The following IL3RA variants were observed in gnomAD, a reference collection of about 807,000 sequenced individuals.
The protein encoded by IL3RA is interleukin 3 receptor subunit alpha, also known as interleukin-3 receptor subunit alpha.
In IL3RA, 73 loss-of-function variants were observed where a neutral mutation model predicts 52.3. That is an observed-to-expected ratio of 1.40 (90% CI 1.16 to 1.70). The LOEUF (loss-of-function observed/expected upper bound fraction) is 1.70, where lower values mean the gene tolerates loss of function less well. IL3RA is among the 40% of genes most tolerant of loss of function. The pLI is 0.00. For synonymous variants in IL3RA, 260 were observed against 194.0 expected, an observed-to-expected ratio of 1.34 and a Z score of -2.83; for missense variants, 664 against 504.4, an observed-to-expected ratio of 1.32 and a Z score of -3.03.
intron 8 of IL3RA, among the ~76,000 whole-genome samples, chrX:1,362,324 T>G (rs746951404): frequency 2.0e-5 from 3 of 151,910 alleles, no homozygotes; most frequent in Admixed American, 1.3e-4. Context: ...TATCTCCGTC[T>G]CTCCCTGTCT....
At chrX:1,345,814 A>C (rs1218716441) in intron 3 of IL3RA, among the ~76,000 whole-genome samples, 2 of 152,000 alleles carry the variant, frequency 1.3e-5, no homozygotes, top group African/African-American at 4.8e-5. Flanking sequence ...TTGACGAACA[A>C]GACGTTTCCG....
intron 1 of IL3RA, 73 bp from the exon 2 acceptor site, chrX:1,341,655 G>T (rs770656621): frequency 7.7e-6 from 9 of 1,164,508 alleles, no homozygotes; most frequent in South Asian, 3.9e-5. Flanking sequence ...TCTGGAAGGG[G>T]CAAGCATCCT....
In IL3RA at chrX:1,365,267, C is replaced by T. The variant is rs368538380; in HGVS notation, c.874+15C>T. 161 of 1,373,628 alleles carry T rather than the reference C, an allele frequency of 1.2e-4. No homozygotes were observed. Among genetic ancestry groups the T allele is most frequent in the African/African-American group, 3.1e-4 (18 of 58,874 alleles). 85.1% of individuals were successfully genotyped at this position (1,373,628 alleles called of 1,614,324 possible). A position where few individuals can be genotyped will look rare whatever the true frequency, so the allele number is the denominator to read the frequency against. Reference sequence around the variant, plus strand: ...CCAGCGCTTCGGTGAGTGGGCTGTGCGGGGTGCGCGGGGTGAGCGGGGTGA... The same window carrying T: ...CCAGCGCTTCGGTGAGTGGGCTGTGTGGGGTGCGCGGGGTGAGCGGGGTGA... On this transcript the variant is annotated intron_variant, in intron 9 of 11. Coordinates refer to ENST00000331035, the MANE Select transcript of IL3RA (RefSeq NM_002183.4).
rs181872098 is a variant in IL3RA at position 1,361,850 on chromosome X, G to A, written c.759+2963G>A. Among the ~76,000 whole-genome samples, 457 of 151,388 alleles carry A rather than the reference G, an allele frequency of 3.0e-3. 2 individuals carry two copies. The highest frequency in any genetic ancestry group is 9.9e-3 in the African/African-American group (409 of 41,124). ...AGACTTATTCACTACCCCGAGAACA[G>A]TGTGGGGGGAAACTGCCCCCATGAT... On this transcript the variant is annotated intron_variant, in intron 8 of 11. Coordinates refer to ENST00000331035, the MANE Select transcript of IL3RA (RefSeq NM_002183.4).
chrX:1,353,498 C>G (rs1230028403), intron 6 of IL3RA, among the ~76,000 whole-genome samples: 3 of 58,808 alleles, frequency 5.1e-5, no homozygotes, highest in African/African-American at 2.4e-4. Context: ...GTCATGGGAC[C>G]CCCCATCATG....
chrX:1,350,361 A>G (rs774581025), intron 4 of IL3RA, among the ~76,000 whole-genome samples: 358 of 141,388 alleles, frequency 2.5e-3, no homozygotes, highest in Middle Eastern at 8.2e-3. Context: ...AGGCCGAGGC[A>G]GGCGGATCAC....
At position 1,355,485 on chromosome X, in the gene IL3RA, G is replaced by GCCAGGGCTGGACTTCCTTCCAGGGGC. The variant is rs758092754; in HGVS notation, c.617-729_617-704dup. Among the ~76,000 whole-genome samples, 876 of 145,424 alleles carry GCCAGGGCTGGACTTCCTTCCAGGGGC rather than the reference G, an allele frequency of 6.0e-3. 6 individuals carry two copies. Among genetic ancestry groups the GCCAGGGCTGGACTTCCTTCCAGGGGC allele is most frequent in the Middle Eastern group, 0.014 (4 of 282 alleles). On this transcript the variant is annotated intron_variant, in intron 6 of 11. Transcript: ENST00000331035. ...GGAGGAGGGGGAGGAGGAGGAGGGGGCCAGGGCTGGACTTCCTTCCAGGGG... is the reference window on the plus strand; with the variant it reads ...GGAGGAGGGGGAGGAGGAGGAGGGGGCCAGGGCTGGACTTCCTTCCAGGGGCCCAGGGCTGGACTTCCTTCCAGGGG...
In IL3RA at chrX:1,345,224, C is replaced by G. The variant is rs2085687301; in HGVS notation, c.65-92C>G. 14 of 740,272 alleles carry G rather than the reference C, an allele frequency of 1.9e-5. No individual in the cohort carries two copies. In the South Asian group the frequency reaches 2.6e-4, roughly 14 times the overall value. The allele number at this position is 740,272 out of a possible 1,614,324, so 45.9% of individuals were successfully genotyped here. A position where few individuals can be genotyped will look rare whatever the true frequency, so the allele number is the denominator to read the frequency against. ...TCCACCTCCCAAAGGTATTGGCTAA[C>G]TCCACGGGCAAAAAAAAAAAACCAT... On this transcript the variant is annotated intron_variant, in intron 2 of 11. Coordinates refer to ENST00000331035, the MANE Select transcript of IL3RA (RefSeq NM_002183.4).
In IL3RA at chrX:1,364,120, G is replaced by A. The variant is rs1299022013; in HGVS notation, c.760-1018G>A. ...GGAGAATGGCATGAACCCGGGAAGC[G>A]GAGCTTGCAGTGAGCCGAGATCACG... On this transcript the variant is annotated intron_variant, in intron 8 of 11. Coordinates refer to ENST00000331035, the MANE Select transcript of IL3RA (RefSeq NM_002183.4). Among the ~76,000 whole-genome samples the A allele has an allele frequency of 1.7e-3, 256 of 151,578 alleles. 1 individual carries two copies. Among genetic ancestry groups the A allele is most frequent in the Non-Finnish European group, 2.8e-3 (191 of 67,854 alleles).
chrX:1,368,017 A>G (rs2088298449), intron 9 of IL3RA, among the ~76,000 whole-genome samples: 1 of 152,066 alleles, frequency 6.6e-6, no homozygotes, highest in African/African-American at 2.4e-5. Flanking sequence ...GGGCCTTGTA[A>G]TAAAGACCGA....
chrX:1,349,427 G>T (rs1159624830), intron 4 of IL3RA, among the ~76,000 whole-genome samples: 38 of 151,694 alleles, frequency 2.5e-4, no homozygotes, highest in African/African-American at 8.7e-4. Context: ...TGATCTGCCC[G>T]CCTCGGCCTC....
chrX:1,337,773 T>G lies in IL3RA; in HGVS notation c.-39+847T>G, dbSNP rs6647011. ...TCATACCCATCTATAGACGAATGGA[T>G]AAATATAATGTGGTCCAGCCACACA... On this transcript the variant is annotated intron_variant, in intron 1 of 11. Transcript: ENST00000331035. Among the ~76,000 whole-genome samples the G allele has an allele frequency of 1.4e-3, 160 of 113,088 alleles. 1 individual carries two copies. The highest frequency in any genetic ancestry group is 2.6e-3 in the African/African-American group (77 of 29,132). The allele number at this position is 113,088 out of a possible 152,430, so 74.2% of individuals were successfully genotyped here.
chrX:1,358,890 G>A lies in IL3RA; in HGVS notation c.759+3G>A, dbSNP rs372977832. The A allele has an allele frequency of 1.9e-6, 3 of 1,612,138 alleles. No individual in the cohort carries two copies. Among genetic ancestry groups the A allele is most frequent in the African/African-American group, 1.3e-5 (1 of 74,960 alleles). ...TGCAGCCTGTAATCACAGAACAGGT[G>A]AGTGTTCCCTACCCCCAGCCGCTGT... is the stretch of plus-strand genomic sequence containing the variant. On this transcript the variant is annotated splice_donor_region_variant and intron_variant, in intron 8 of 11. Coordinates refer to ENST00000331035, the MANE Select transcript of IL3RA (RefSeq NM_002183.4).
chrX:1,345,849 A>G (rs1472455652), intron 3 of IL3RA, among the ~76,000 whole-genome samples: 3 of 151,890 alleles, frequency 2.0e-5, no homozygotes, highest in African/African-American at 7.3e-5. Context: ...CTCAGAACCA[A>G]TACTGCTCCC....
intron 4 of IL3RA, 141 bp downstream of exon 4, chrX:1,348,686 C>CTTTCTT (rs1234375482): frequency 2.1e-6 from 1 of 468,752 alleles, no homozygotes; most frequent in Admixed American, 4.3e-5. Context: ...TTCTTTCTTT[C>CTTTCTT]TTTCTTTTTC....
intron 8 of IL3RA, 53 bp from the exon 9 acceptor site, chrX:1,365,085 A>T: frequency 7.4e-7 from 1 of 1,347,440 alleles, no homozygotes; most frequent in Non-Finnish European, 1.1e-6. Flanking sequence ...CCCAGGTGAG[A>T]GTCATGAGCC....
At position 1,382,608 on chromosome X, in the gene IL3RA, A is replaced by T; in HGVS notation, c.*143A>T. The T allele has an allele frequency of 1.4e-6, 1 of 726,844 alleles. No individual in the cohort carries two copies. The highest frequency in any genetic ancestry group is 2.5e-6 in the Non-Finnish European group (1 of 406,536). The allele number at this position is 726,844 out of a possible 1,614,324, so 45.0% of individuals were successfully genotyped here. ...GGTGGGCATGGGAGATGCCTGTGTA[A>T]TTTCGTCCGAAGCTGCCAGGAAGAA... On this transcript the variant is annotated 3_prime_UTR_variant, in exon 12 of 12. Coordinates refer to ENST00000331035, the MANE Select transcript of IL3RA (RefSeq NM_002183.4).
At chrX:1,350,200 A>G (rs62605666) in intron 4 of IL3RA, among the ~76,000 whole-genome samples, 93,838 of 148,044 alleles carry the variant, frequency 0.63, 29,634 homozygotes, top group Non-Finnish European at 0.65. Flanking sequence ...CACGCCTGTA[A>G]TCCCAGCACT....
intron 8 of IL3RA, among the ~76,000 whole-genome samples, chrX:1,361,755 GAAAAAAAAA>G (rs1156722120): frequency 6.5e-4 from 53 of 81,758 alleles, no homozygotes; most frequent in African/African-American, 2.6e-3. Context: ...TCCGTCTCGA[GAAAAAAAAA>G]AAAAAAAAAA....
Sources: gnomAD v4.1 joint callset for allele counts (sites outside exome capture counted in the v4.1 genomes callset) on GRCh38, gnomAD v4.1.1 for gene constraint, MANE v1.5 for transcripts, NCBI Gene and HGNC (gene_info 2026-07-23, HGNC 2026-07-21) for gene names.